The following ARHGAP42 variants were observed in gnomAD, a reference collection of about 807,000 sequenced individuals.
The protein encoded by ARHGAP42 is Rho GTPase activating protein 42.
A neutral mutation model predicts 125.0 loss-of-function variants in ARHGAP42; 63 were observed. The ratio of observed to expected loss-of-function variants is 0.50; its 90% CI spans 0.41 to 0.62. The LOEUF (loss-of-function observed/expected upper bound fraction) is 0.62, where lower values mean the gene tolerates loss of function less well. Among genes scored for constraint, ARHGAP42 ranks in the 20% least tolerant of loss-of-function variants. The probability of loss-of-function intolerance (pLI) is 0.00; values close to 1 mark genes in which losing one functional copy is unlikely to be tolerated. For missense variants in ARHGAP42, 766 were observed against 1,024.2 expected (o/e 0.75, Z 3.44); for synonymous variants, 339 against 351.0 (o/e 0.97, Z 0.38).
chr11:100,827,252 C>G (rs1458496177), intron 3 of ARHGAP42, among the ~76,000 whole-genome samples: 1 of 152,138 alleles, frequency 6.6e-6, no homozygotes, highest in Non-Finnish European at 1.5e-5. Flanking sequence ...ATTCACCCAT[C>G]TTAGCCTCTC....
intron 7 of ARHGAP42, among the ~76,000 whole-genome samples, chr11:100,934,041 C>A (rs551578554): frequency 2.0e-5 from 3 of 152,292 alleles, no homozygotes; most frequent in Non-Finnish European, 2.9e-5. Flanking sequence ...CCCGCCACGG[C>A]CTCCCAAGTG....
intron 3 of ARHGAP42, among the ~76,000 whole-genome samples, chr11:100,842,797 A>T (rs1864972691): frequency 6.6e-6 from 1 of 152,160 alleles, no homozygotes; most frequent in African/African-American, 2.4e-5. Flanking sequence ...AACCTATTAA[A>T]ACCTCTTGGA....
intron 1 of ARHGAP42, among the ~76,000 whole-genome samples, chr11:100,693,561 A>G (rs1186122167): frequency 3.9e-5 from 6 of 152,168 alleles, no homozygotes; most frequent in African/African-American, 1.4e-4. Context: ...TGAGCTTAAT[A>G]GGTGCCCTTT....
At chr11:100,979,398 G>T (rs7116654) in intron 22 of ARHGAP42, among the ~76,000 whole-genome samples, 2,117 of 152,124 alleles carry the variant, frequency 0.014, 46 homozygotes, top group African/African-American at 0.048. Context: ...ACTTTTTCTG[G>T]AGGAATCATC....
intron 4 of ARHGAP42, among the ~76,000 whole-genome samples, chr11:100,879,611 C>A (rs116440638): frequency 6.6e-6 from 1 of 152,046 alleles, no homozygotes; most frequent in Non-Finnish European, 1.5e-5. Flanking sequence ...GTTCCTCTTC[C>A]GACACCCACA....
chr11:100,711,309 CCTTTA>C (rs1861561977), intron 1 of ARHGAP42, among the ~76,000 whole-genome samples: 1 of 152,108 alleles, frequency 6.6e-6, no homozygotes, highest in South Asian at 2.1e-4. Context: ...TCTTATAGGT[CCTTTA>C]CTTCTTCCTT....
At chr11:100,735,175 A>G (rs1340626289) in intron 1 of ARHGAP42, among the ~76,000 whole-genome samples, 1 of 152,136 alleles carries the variant, frequency 6.6e-6, no homozygotes, top group African/African-American at 2.4e-5. Flanking sequence ...CTCATTTCCC[A>G]TCTTGCTCTG....
Position 100,784,272 on chromosome 11 carries a change from G to A in ARHGAP42, c.251-10833G>A, listed in dbSNP as rs58746207. On this transcript the variant is annotated intron_variant, in intron 2 of 23. Transcript: ENST00000298815. ...CGTACCTTATGGCCACATCATGGGGGCCTCAAATTATTTGCAGTTTGGAGT... is the reference window on the plus strand; with the variant it reads ...CGTACCTTATGGCCACATCATGGGGACCTCAAATTATTTGCAGTTTGGAGT... Among the ~76,000 whole-genome samples, 627 of 152,264 alleles carry A rather than the reference G, an allele frequency of 4.1e-3. 6 individuals are homozygous for A. The highest frequency in any genetic ancestry group is 0.015 in the African/African-American group (608 of 41,546).
At chr11:100,687,939 AT>A in intron 1 of ARHGAP42, 107 bp downstream of exon 1, 1 of 1,288,934 alleles carries the variant, frequency 7.8e-7, no homozygotes, top group Non-Finnish European at 1.0e-6. Context: ...GTTTGAATGG[AT>A]TTGGGGACAA....
intron 19 of ARHGAP42, among the ~76,000 whole-genome samples, chr11:100,975,096 G>A (rs1858354521): frequency 6.6e-6 from 1 of 152,090 alleles, no homozygotes; most frequent in Admixed American, 6.6e-5. Flanking sequence ...TGACACCATG[G>A]CACACATTAA....
intron 3 of ARHGAP42, among the ~76,000 whole-genome samples, chr11:100,820,085 G>T (rs923322895): frequency 6.6e-6 from 1 of 152,070 alleles, no homozygotes; most frequent in African/African-American, 2.4e-5. Flanking sequence ...CATAATAAAG[G>T]CTTGGGTTTC....
chr11:100,790,198 A>G (rs1166824237), intron 2 of ARHGAP42, among the ~76,000 whole-genome samples: 1 of 152,194 alleles, frequency 6.6e-6, no homozygotes, highest in East Asian at 1.9e-4. Flanking sequence ...GGTATTTTAG[A>G]CAGTTTAGGA....
chr11:100,789,546 C>T (rs1025215725), intron 2 of ARHGAP42, among the ~76,000 whole-genome samples: 10 of 152,138 alleles, frequency 6.6e-5, no homozygotes, highest in Admixed American at 2.0e-4. Flanking sequence ...TGAGTCTTGG[C>T]GTGAGCATTA....
chr11:100,707,640 C>T (rs760482935), intron 1 of ARHGAP42, among the ~76,000 whole-genome samples: 17 of 152,008 alleles, frequency 1.1e-4, no homozygotes, highest in Non-Finnish European at 2.1e-4. Flanking sequence ...TGAGCAAGGA[C>T]GAAAGAGGTG....
rs1858846684 is a variant in ARHGAP42 at position 100,992,149 on chromosome 11, A to C, written c.*3348A>C. ...TCAGAGCTTTGCCTCAAGCAATTTC[A>C]AATTGTAGTGATACCTTAAATCATG... On this transcript the variant is annotated 3_prime_UTR_variant, in exon 24 of 24. Transcript: ENST00000298815. The C allele has an allele frequency of 2.6e-6, 2 of 769,700 alleles. No individual in the cohort carries two copies. Among genetic ancestry groups the C allele is most frequent in the Non-Finnish European group, 4.0e-6 (2 of 496,334 alleles). 47.7% of individuals were successfully genotyped at this position (769,700 alleles called of 1,614,324 possible). A position where few individuals can be genotyped will look rare whatever the true frequency, so the allele number is the denominator to read the frequency against.
chr11:100,816,014 G>T (rs1266638047), intron 3 of ARHGAP42, among the ~76,000 whole-genome samples: 1 of 152,132 alleles, frequency 6.6e-6, no homozygotes, highest in Non-Finnish European at 1.5e-5. Flanking sequence ...ATATTCCATT[G>T]TATGTATACA....
At chr11:100,909,703 A>G (rs1163635648) in intron 4 of ARHGAP42, among the ~76,000 whole-genome samples, 2 of 152,106 alleles carry the variant, frequency 1.3e-5, no homozygotes, top group East Asian at 3.9e-4. Context: ...ATTTTTGTAT[A>G]TGGTGAGAGA....
intron 2 of ARHGAP42, among the ~76,000 whole-genome samples, chr11:100,789,666 T>G (rs1863520241): frequency 6.6e-6 from 1 of 152,246 alleles, no homozygotes; most frequent in Admixed American, 6.5e-5. Context: ...CAGAGTTGTG[T>G]GCCTGTGCTC....
intron 1 of ARHGAP42, among the ~76,000 whole-genome samples, chr11:100,762,783 G>C (rs1862736889): frequency 6.6e-6 from 1 of 151,912 alleles, no homozygotes; most frequent in African/African-American, 2.4e-5. Context: ...AGTTCCCTGA[G>C]AGCACACTAA....
Sources: gnomAD v4.1 joint callset for allele counts (sites outside exome capture counted in the v4.1 genomes callset) on GRCh38, gnomAD v4.1.1 for gene constraint, MANE v1.5 for transcripts, NCBI Gene and HGNC (gene_info 2026-07-23, HGNC 2026-07-21) for gene names.